CDH13: variants seen among roughly 807,000 people sequenced by gnomAD.
CDH13 encodes cadherin 13.
Under a neutral mutation model 63.8 loss-of-function variants are expected in CDH13, and 24 were observed. The observed-to-expected ratio is 0.38, with a 90% CI of 0.27 to 0.53. The LOEUF is 0.53. CDH13 is among the 20% of genes least tolerant of loss of function. The pLI is 0.85. For missense variants in CDH13, 1,049 were observed against 903.1 expected (o/e 1.16, Z -2.07); for synonymous variants, 503 against 355.3 (o/e 1.42, Z -4.67).
intron 7 of CDH13, among the ~76,000 whole-genome samples, chr16:83,531,836 A>G (rs2075090472): frequency 6.6e-6 from 1 of 152,186 alleles, no homozygotes; most frequent in Non-Finnish European, 1.5e-5. Flanking sequence ...CCAAAACTGT[A>G]AGAGAGTAAC....
At chr16:83,390,114 A>G (rs11860084) in intron 6 of CDH13, among the ~76,000 whole-genome samples, 3,866 of 152,308 alleles carry the variant, frequency 0.025, 167 homozygotes, top group African/African-American at 0.089. Flanking sequence ...AATCAGTGGT[A>G]ATACAAGAAA....
intron 1 of CDH13, among the ~76,000 whole-genome samples, chr16:82,796,064 G>C (rs2036568363): frequency 6.6e-6 from 1 of 151,726 alleles, no homozygotes; most frequent in African/African-American, 2.4e-5. Flanking sequence ...TGCCCTATTG[G>C]CACTTACTGG....
chr16:82,877,207 T>G (rs1292367102), intron 2 of CDH13, among the ~76,000 whole-genome samples: 1 of 152,172 alleles, frequency 6.6e-6, no homozygotes, highest in Non-Finnish European at 1.5e-5. Flanking sequence ...GACATCTTGA[T>G]TTAAGATTGT....
At chr16:82,916,877 T>G (rs569271618) in intron 2 of CDH13, among the ~76,000 whole-genome samples, 1 of 152,192 alleles carries the variant, frequency 6.6e-6, no homozygotes. Flanking sequence ...CACATTTAGG[T>G]GTTCCTTAAA....
At chr16:82,645,552 C>A (rs566007278) in intron 1 of CDH13, among the ~76,000 whole-genome samples, 1 of 151,974 alleles carries the variant, frequency 6.6e-6, no homozygotes, top group Non-Finnish European at 1.5e-5. Flanking sequence ...CAATGAACAG[C>A]ACAGCTCCCA....
At chr16:83,748,434 C>G (rs1167026792) in intron 11 of CDH13, among the ~76,000 whole-genome samples, 184 bp downstream of exon 11, 4 of 152,128 alleles carry the variant, frequency 2.6e-5, no homozygotes, top group Non-Finnish European at 4.4e-5. Context: ...TCCCAGAATC[C>G]TCAGATCTTT....
chr16:83,306,879 G>C (rs895671433), intron 5 of CDH13, among the ~76,000 whole-genome samples: 3 of 152,166 alleles, frequency 2.0e-5, no homozygotes. Flanking sequence ...TATACTTATA[G>C]CAACACGAAA....
chr16:83,263,311 G>A (rs991270010), intron 5 of CDH13, among the ~76,000 whole-genome samples: 1 of 152,124 alleles, frequency 6.6e-6, no homozygotes, highest in Admixed American at 6.5e-5. Context: ...TCAAACATTC[G>A]GAACATTTCC....
chr16:82,793,415 T>A (rs2036416978), intron 1 of CDH13, among the ~76,000 whole-genome samples: 1 of 151,424 alleles, frequency 6.6e-6, no homozygotes, highest in Admixed American at 6.6e-5. Flanking sequence ...CCTGTCCAAA[T>A]GAAAAAGCAT....
At chr16:82,929,921 A>G (rs1216664783) in intron 2 of CDH13, among the ~76,000 whole-genome samples, 2 of 152,026 alleles carry the variant, frequency 1.3e-5, no homozygotes, top group African/African-American at 4.8e-5. Context: ...ACACATACAC[A>G]TAACAACACT....
At chr16:83,679,829 A>C (rs1196558016) in intron 10 of CDH13, among the ~76,000 whole-genome samples, 1 of 152,246 alleles carries the variant, frequency 6.6e-6, no homozygotes, top group Non-Finnish European at 1.5e-5. Flanking sequence ...GGAGGCAATA[A>C]AATGAGTTAA....
intron 6 of CDH13, among the ~76,000 whole-genome samples, chr16:83,369,710 C>T (rs931175747): frequency 2.0e-5 from 3 of 152,176 alleles, no homozygotes; most frequent in Non-Finnish European, 4.4e-5. Context: ...CAGGCATGAG[C>T]CACCATGACT....
intron 2 of CDH13, among the ~76,000 whole-genome samples, chr16:82,981,578 A>G (rs545572681): frequency 5.9e-5 from 9 of 152,170 alleles, no homozygotes; most frequent in Non-Finnish European, 1.3e-4. Flanking sequence ...AGCCTGTTCC[A>G]GCATTTGGTT....
chr16:83,581,904 A>G (rs1598326115), intron 7 of CDH13, among the ~76,000 whole-genome samples: 1 of 152,194 alleles, frequency 6.6e-6, no homozygotes, highest in East Asian at 1.9e-4. Flanking sequence ...TCCTTAGCAC[A>G]TACCACTGTT....
chr16:82,822,313 G>A (rs1317176682), intron 1 of CDH13, among the ~76,000 whole-genome samples: 1 of 152,178 alleles, frequency 6.6e-6, no homozygotes, highest in African/African-American at 2.4e-5. Flanking sequence ...ATGAGGAATA[G>A]GGCTATAGGC....
chr16:82,703,138 A>G (rs1030610325), intron 1 of CDH13, among the ~76,000 whole-genome samples: 1 of 152,088 alleles, frequency 6.6e-6, no homozygotes, highest in African/African-American at 2.4e-5. Flanking sequence ...ATATTCAGAT[A>G]TTTGTGTATA....
At chr16:83,090,663 G>A (rs535846007) in intron 3 of CDH13, among the ~76,000 whole-genome samples, 1 of 151,956 alleles carries the variant, frequency 6.6e-6, no homozygotes, top group Non-Finnish European at 1.5e-5. Flanking sequence ...TGCACTCTCG[G>A]TAATCCCTCT....
At position 83,042,839 on chromosome 16, in the gene CDH13, C is replaced by T. The variant is rs558259612; in HGVS notation, c.366+10621C>T. Reference sequence around the variant, plus strand: ...ACATGAAATATGTTTTACAACAATCCCAGTGGAGAATGAATCTGCACATTT... The same window carrying T: ...ACATGAAATATGTTTTACAACAATCTCAGTGGAGAATGAATCTGCACATTT... On this transcript the variant is annotated intron_variant, in intron 3 of 13. Coordinates refer to ENST00000567109, the MANE Select transcript of CDH13 (RefSeq NM_001257.5). Among the ~76,000 whole-genome samples the T allele has an allele frequency of 2.0e-5, 3 of 152,248 alleles. No homozygotes were observed. The South Asian group carries it at 6.2e-4, about 32-fold the overall frequency.
chr16:83,226,068 C>A (rs202216436), intron 5 of CDH13, among the ~76,000 whole-genome samples: 1 of 152,160 alleles, frequency 6.6e-6, no homozygotes, highest in Non-Finnish European at 1.5e-5. Flanking sequence ...AATAAACAAA[C>A]GCTTGTCTTC....
Sources: gnomAD v4.1 joint callset for allele counts (sites outside exome capture counted in the v4.1 genomes callset) on GRCh38, gnomAD v4.1.1 for gene constraint, MANE v1.5 for transcripts, NCBI Gene and HGNC (gene_info 2026-07-23, HGNC 2026-07-21) for gene names.